The following SPRR2G variants were observed in gnomAD, a reference collection of about 807,000 sequenced individuals.
SPRR2G encodes the protein small proline-rich protein 2G.
SPRR2G carries 1 observed loss-of-function variant against 0.7 expected under a neutral mutation model. The observed-to-expected ratio is 1.49, with a 90% CI of 0.53 to 7.06. SPRR2G has a LOEUF of 7.06. Among genes scored for constraint, SPRR2G ranks in the 30% most tolerant of loss-of-function variants. SPRR2G has a pLI of 0.14. For synonymous variants in SPRR2G, 38 were observed against 33.9 expected, an observed-to-expected ratio of 1.12 and a Z score of -0.42; for missense variants, 96 against 88.5, an observed-to-expected ratio of 1.09 and a Z score of -0.34.
the SPRR2G span, among the ~76,000 whole-genome samples, chr1:153,177,655 T>C: frequency 7.9e-5 from 12 of 152,202 alleles, no homozygotes; most frequent in Admixed American, 7.9e-4. Flanking sequence ...TGAACATAAA[T>C]GTAGGTCTAT....
chr1:153,157,405 A>T, the SPRR2G span, among the ~76,000 whole-genome samples: 1 of 152,244 alleles, frequency 6.6e-6, no homozygotes, highest in Non-Finnish European at 1.5e-5. Flanking sequence ...TGAAGTCAAG[A>T]ATAACAAATT....
At chr1:153,184,916 G>T in the SPRR2G span, among the ~76,000 whole-genome samples, 8,439 of 152,176 alleles carry the variant, frequency 0.055, 813 homozygotes, top group African/African-American at 0.19. Flanking sequence ...TATCGTGAAG[G>T]GGTGTTGAAT....
At chr1:153,159,501 C>A in the SPRR2G span, among the ~76,000 whole-genome samples, 1 of 152,204 alleles carries the variant, frequency 6.6e-6, no homozygotes, top group African/African-American at 2.4e-5. Context: ...TCTGAGCCCT[C>A]CAAACTGTTA....
chr1:153,172,540 C>T, the SPRR2G span, among the ~76,000 whole-genome samples: 160 of 152,200 alleles, frequency 1.1e-3, no homozygotes, highest in African/African-American at 3.5e-3. Context: ...CTTCTGTGTC[C>T]TCTTTCTCCC....
At chr1:153,195,114 G>A in the SPRR2G span, among the ~76,000 whole-genome samples, 1 of 152,144 alleles carries the variant, frequency 6.6e-6, no homozygotes, top group Non-Finnish European at 1.5e-5. Flanking sequence ...GTACCCCACA[G>A]CTGGCAGAAG....
chr1:153,198,541 G>C, the SPRR2G span, among the ~76,000 whole-genome samples: 1 of 152,158 alleles, frequency 6.6e-6, no homozygotes, highest in African/African-American at 2.4e-5. Context: ...GAAGCCTGTG[G>C]CTCAGGAGGT....
chr1:153,192,977 C>T, the SPRR2G span, among the ~76,000 whole-genome samples: 1 of 152,100 alleles, frequency 6.6e-6, no homozygotes, highest in East Asian at 1.9e-4. Context: ...AAGGTGCGTC[C>T]TTTGTGAGGC....
At chr1:153,158,006 C>T in the SPRR2G span, among the ~76,000 whole-genome samples, 1 of 152,078 alleles carries the variant, frequency 6.6e-6, no homozygotes, top group African/African-American at 2.4e-5. Context: ...CCAACAGGTC[C>T]CTCCCTCAAC....
chr1:153,155,167 A>G (rs1656556621), upstream of SPRR2G, among the ~76,000 whole-genome samples: 1 of 152,046 alleles, frequency 6.6e-6, no homozygotes, highest in South Asian at 2.1e-4. Context: ...AGTCATCACA[A>G]ATCTACTAAC....
the SPRR2G span, among the ~76,000 whole-genome samples, chr1:153,183,999 C>T: frequency 0.021 from 3,217 of 152,148 alleles, 244 homozygotes; most frequent in Admixed American, 0.15. Context: ...TGCTTGTTTT[C>T]GTCAGGTTTG....
the SPRR2G span, among the ~76,000 whole-genome samples, chr1:153,189,472 T>C: frequency 9.9e-5 from 15 of 151,976 alleles, no homozygotes; most frequent in Admixed American, 7.9e-4. Context: ...AAAGTTTTAT[T>C]AGAAACATTT....
chr1:153,183,778 T>A, the SPRR2G span, among the ~76,000 whole-genome samples: 1 of 152,220 alleles, frequency 6.6e-6, no homozygotes, highest in East Asian at 1.9e-4. Flanking sequence ...AGTGTTTCAG[T>A]CATGAAGTCT....
chr1:153,192,527 G>A, the SPRR2G span, among the ~76,000 whole-genome samples: 1 of 152,076 alleles, frequency 6.6e-6, no homozygotes, highest in Admixed American at 6.6e-5. Flanking sequence ...AGTAGGATTG[G>A]GAAGGTCCCC....
the SPRR2G span, among the ~76,000 whole-genome samples, chr1:153,199,849 C>T: frequency 6.6e-6 from 1 of 151,984 alleles, no homozygotes; most frequent in Non-Finnish European, 1.5e-5. Context: ...GAGCCAGCCC[C>T]ACAGAGAGGG....
chr1:153,161,232 A>ATGGTTTGCAAATATTTTCTCTCATTCTCT, the SPRR2G span, among the ~76,000 whole-genome samples: 1 of 117,518 alleles, frequency 8.5e-6, no homozygotes, highest in East Asian at 2.7e-4. Context: ...CTTAAAGTAT[A>ATGGTTTGCAAATATTTTCTCTCATTCTCT]ATAAAAAATA....
At chr1:153,202,445 G>T in the SPRR2G span, among the ~76,000 whole-genome samples, 1 of 152,116 alleles carries the variant, frequency 6.6e-6, no homozygotes, top group Non-Finnish European at 1.5e-5. Flanking sequence ...GCAGTAAAAA[G>T]CTTTTCTTTT....
chr1:153,194,682 G>A, the SPRR2G span, among the ~76,000 whole-genome samples: 1 of 152,130 alleles, frequency 6.6e-6, no homozygotes, highest in Non-Finnish European at 1.5e-5. Context: ...CAAACTTTTT[G>A]CTTTTTTTCT....
At chr1:153,197,856 C>A in the SPRR2G span, among the ~76,000 whole-genome samples, 2 of 152,282 alleles carry the variant, frequency 1.3e-5, no homozygotes, top group East Asian at 3.9e-4. Flanking sequence ...ATTGCGAAAC[C>A]ATTGAAATAT....
chr1:153,168,080 T>G, the SPRR2G span, among the ~76,000 whole-genome samples: 12 of 152,296 alleles, frequency 7.9e-5, no homozygotes, highest in African/African-American at 2.9e-4. Flanking sequence ...TGTTTTACTT[T>G]AACATCTCAA....
Sources: allele counts gnomAD v4.1 joint callset (sites outside exome capture counted in the v4.1 genomes callset), GRCh38; gene constraint gnomAD v4.1.1; transcripts MANE v1.5; gene names NCBI Gene and HGNC (gene_info 2026-07-23, HGNC 2026-07-21).